The following RAPGEF4 variants were observed in gnomAD, a reference collection of about 807,000 sequenced individuals.
The protein encoded by RAPGEF4 is Rap guanine nucleotide exchange factor 4.
RAPGEF4 carries 66 observed loss-of-function variants against 147.9 expected under a neutral mutation model. The observed-to-expected ratio is 0.45, with a 90% CI of 0.37 to 0.55. The LOEUF (loss-of-function observed/expected upper bound fraction) is 0.55. Among genes scored for constraint, RAPGEF4 ranks in the 20% least tolerant of loss-of-function variants. The probability of loss-of-function intolerance (pLI) is 0.00; values close to 1 mark genes in which losing one functional copy is unlikely to be tolerated. For missense variants in RAPGEF4, 1,071 were observed against 1,257.3 expected, an observed-to-expected ratio of 0.85 and a Z score of 2.24; for synonymous variants, 419 against 442.7, an observed-to-expected ratio of 0.95 and a Z score of 0.67.
chr2:172,790,891 A>G (rs1421587986), intron 1 of RAPGEF4, among the ~76,000 whole-genome samples: 2 of 152,196 alleles, frequency 1.3e-5, no homozygotes, highest in African/African-American at 4.8e-5. Flanking sequence ...TTGTGCTGCT[A>G]TCACAGAATA....
chr2:172,799,276 A>G (rs530332691), intron 3 of RAPGEF4, among the ~76,000 whole-genome samples: 3 of 152,198 alleles, frequency 2.0e-5, no homozygotes, highest in Non-Finnish European at 4.4e-5. Flanking sequence ...ACAGATGAGA[A>G]AACGAAGTCC....
rs139214086 is a variant in RAPGEF4, at chr2:173,012,549, T to C, written c.1659-1915T>C. Among the ~76,000 whole-genome samples, 522 of 152,358 alleles carry C rather than the reference T, an allele frequency of 3.4e-3. 5 individuals are homozygous for C. The highest frequency in any genetic ancestry group is 0.024 in the Middle Eastern group (7 of 294). On this transcript the variant is annotated intron_variant, in intron 17 of 30. Transcript: ENST00000397081. ...AGCACAGTGGCAACGTAGCATTGTATTTTCATTATGTTAGTTTGTGGCACC... is the reference window on the plus strand; with the variant it reads ...AGCACAGTGGCAACGTAGCATTGTACTTTCATTATGTTAGTTTGTGGCACC...
At chr2:172,890,742 A>G (rs990474131) in intron 4 of RAPGEF4, among the ~76,000 whole-genome samples, 3 of 152,252 alleles carry the variant, frequency 2.0e-5, no homozygotes, top group African/African-American at 7.2e-5. Flanking sequence ...TAGACTGTGA[A>G]GGAAAGATCT....
intron 4 of RAPGEF4, among the ~76,000 whole-genome samples, chr2:172,851,919 A>G (rs777458716): frequency 9.2e-5 from 14 of 152,214 alleles, no homozygotes; most frequent in Non-Finnish European, 1.9e-4. Flanking sequence ...CAATTTATCT[A>G]TAGAACAAAC....
At chr2:172,836,391 T>C (rs1690931805) in intron 4 of RAPGEF4, among the ~76,000 whole-genome samples, 1 of 152,226 alleles carries the variant, frequency 6.6e-6, no homozygotes, top group South Asian at 2.1e-4. Context: ...GAACTCAACT[T>C]CGTTGTAGCT....
At position 172,814,012 on chromosome 2, in the gene RAPGEF4, G is replaced by A. The variant is rs78667632; in HGVS notation, c.298-267G>A. ...TCTTTTACATGAAGTTCTAAAACAG[G>A]CAAAATTCTTTCATGACGGAAATCA... On this transcript the variant is annotated intron_variant, in intron 3 of 30. Transcript: ENST00000397081. Among the ~76,000 whole-genome samples, 14 of 152,260 alleles carry A rather than the reference G, an allele frequency of 9.2e-5. No homozygotes were observed. In the East Asian group the frequency reaches 2.7e-3, roughly 29 times the overall value.
In RAPGEF4 at chr2:172,904,533, C is replaced by G. The variant is rs77878266; in HGVS notation, c.445-13269C>G. Among the ~76,000 whole-genome samples the G allele has an allele frequency of 1.1e-3, 173 of 152,270 alleles. 1 individual carries two copies. Among genetic ancestry groups the G allele is most frequent in the South Asian group, 2.3e-3 (11 of 4,818 alleles). On this transcript the variant is annotated intron_variant, in intron 4 of 30. Transcript: ENST00000397081. The stretch of plus-strand genomic sequence containing the variant: ...ATTACTCAAATATACAAAGTGTGCA[C>G]TAACTAAAATTACACTCATACCAGT...
At chr2:172,784,510 T>A (rs1392965996) in intron 1 of RAPGEF4, among the ~76,000 whole-genome samples, 2 of 138,302 alleles carry the variant, frequency 1.4e-5, no homozygotes, top group Non-Finnish European at 3.2e-5. Flanking sequence ...AGAGCGAAAC[T>A]CTTAAAAAAA....
chr2:172,856,245 T>C (rs933485318), intron 4 of RAPGEF4, among the ~76,000 whole-genome samples: 1 of 152,212 alleles, frequency 6.6e-6, no homozygotes, highest in Admixed American at 6.5e-5. Flanking sequence ...TGTTATTGGG[T>C]CAATTCAGTG....
At chr2:173,009,422 C>G (rs910061898) in intron 17 of RAPGEF4, among the ~76,000 whole-genome samples, 2 of 152,140 alleles carry the variant, frequency 1.3e-5, no homozygotes, top group Non-Finnish European at 2.9e-5. Flanking sequence ...AGTTTACGAC[C>G]TCGTTCCTTC....
chr2:172,900,640 A>C (rs1263499222), intron 4 of RAPGEF4, among the ~76,000 whole-genome samples: 1 of 152,134 alleles, frequency 6.6e-6, no homozygotes, highest in Non-Finnish European at 1.5e-5. Context: ...AATTGTTTAC[A>C]TTTTGCCCCA....
intron 2 of RAPGEF4, among the ~76,000 whole-genome samples, chr2:172,796,541 C>T (rs542519116): frequency 2.6e-5 from 4 of 152,208 alleles, no homozygotes; most frequent in East Asian, 1.9e-4. Context: ...ACCGAGATTG[C>T]GCCATTGCAC....
At chr2:172,865,723 C>A (rs3769287) in intron 4 of RAPGEF4, among the ~76,000 whole-genome samples, 1 of 152,118 alleles carries the variant, frequency 6.6e-6, no homozygotes, top group Non-Finnish European at 1.5e-5. Flanking sequence ...CCACTCCCCC[C>A]ACCACCCATT....
At chr2:172,821,873 G>A in intron 4 of RAPGEF4, 3 of 1,586,250 alleles carry the variant, frequency 1.9e-6, no homozygotes, top group Non-Finnish European at 1.7e-6. Context: ...AACAGGGAAT[G>A]AACGGCAATG....
At chr2:172,743,785 C>T (rs1198479040) in intron 1 of RAPGEF4, among the ~76,000 whole-genome samples, 3 of 152,160 alleles carry the variant, frequency 2.0e-5, no homozygotes, top group Non-Finnish European at 4.4e-5. Flanking sequence ...GAGTTACTAC[C>T]CGAGGCCCGG....
chr2:172,909,583 C>T (rs949666997), intron 4 of RAPGEF4, among the ~76,000 whole-genome samples: 3 of 152,154 alleles, frequency 2.0e-5, no homozygotes, highest in Non-Finnish European at 2.9e-5. Flanking sequence ...CCACCACACA[C>T]CTCCACAGCC....
chr2:172,912,286 T>C lies in RAPGEF4; in HGVS notation c.445-5516T>C, dbSNP rs553090195. Among the ~76,000 whole-genome samples, 29 of 152,336 alleles carry C rather than the reference T, an allele frequency of 1.9e-4. 1 individual carries two copies. The South Asian group carries it at 3.5e-3, about 18-fold the overall frequency. ...AATAGGTTTCTTATGTATCAATTTA[T>C]CATCCATTTCATTAGACAAAACCAT... On this transcript the variant is annotated intron_variant, in intron 4 of 30. Coordinates refer to ENST00000397081, the MANE Select transcript of RAPGEF4 (RefSeq NM_007023.4).
chr2:172,853,683 A>G (rs1386647288), intron 4 of RAPGEF4, among the ~76,000 whole-genome samples: 1 of 151,786 alleles, frequency 6.6e-6, no homozygotes, highest in Admixed American at 6.6e-5. Flanking sequence ...AAAGCTATAA[A>G]TTTCCTCTAA....
chr2:172,935,264 T>A (rs1686436367), intron 6 of RAPGEF4, among the ~76,000 whole-genome samples: 1 of 152,132 alleles, frequency 6.6e-6, no homozygotes, highest in Non-Finnish European at 1.5e-5. Context: ...CTCTTATTGC[T>A]TCTTCCCCAG....
Sources: gnomAD v4.1 joint callset for allele counts (sites outside exome capture counted in the v4.1 genomes callset) on GRCh38, gnomAD v4.1.1 for gene constraint, MANE v1.5 for transcripts, NCBI Gene and HGNC (gene_info 2026-07-23, HGNC 2026-07-21) for gene names.